The following PTPN13 variants were observed in gnomAD, a reference collection of about 807,000 sequenced individuals.
PTPN13 encodes protein tyrosine phosphatase non-receptor type 13, also known as tyrosine-protein phosphatase non-receptor type 13.
PTPN13 carries 191 observed loss-of-function variants against 284.0 expected under a neutral mutation model. The observed-to-expected ratio is 0.67, with a 90% CI of 0.60 to 0.76. The LOEUF (loss-of-function observed/expected upper bound fraction) is 0.76, where lower values mean the gene tolerates loss of function less well. Among genes scored for constraint, PTPN13 ranks in the 30% least tolerant of loss-of-function variants. The pLI is 0.00. For synonymous variants in PTPN13, 986 were observed against 1,022.3 expected, an observed-to-expected ratio of 0.96 and a Z score of 0.68; for missense variants, 2,797 against 2,939.9, an observed-to-expected ratio of 0.95 and a Z score of 1.12.
In PTPN13 at chr4:86,717,063, G is replaced by A. The variant is rs373214612; in HGVS notation, c.1331G>A (p.Ser444Asn). 2.3e-5 allele frequency: 37 copies of A among 1,613,240 alleles called. No individual in the cohort carries two copies. In the African/African-American group the frequency reaches 3.6e-4, roughly 16 times the overall value. ...SEASKRFESS[S>N]GLPGVDETLS... ...GCCTCAAAGAGGTTTGAATCCAGCA[G>A]TGGTCTCCCAGGGGTAGATGAAACC... Residue 444 changes from serine to asparagine, a missense_variant, in exon 9 of 48, where the codon AGT becomes AAT. Ser to Asn is a conservative substitution (Grantham distance 46). Coordinates refer to ENST00000411767, the MANE Select transcript of PTPN13 (RefSeq NM_080683.3).
At chr4:86,691,871 A>G (rs887116842) in intron 5 of PTPN13, among the ~76,000 whole-genome samples, 1 of 152,154 alleles carries the variant, frequency 6.6e-6, no homozygotes, top group African/African-American at 2.4e-5. Context: ...CTTACTTAAC[A>G]TTAATTAGCG....
intron 19 of PTPN13, among the ~76,000 whole-genome samples, chr4:86,752,610 C>T (rs573669633): frequency 5.9e-5 from 9 of 152,094 alleles, no homozygotes; most frequent in Admixed American, 4.6e-4. Context: ...ATTACATATC[C>T]GAAGGAAAAT....
intron 23 of PTPN13, among the ~76,000 whole-genome samples, chr4:86,762,372 T>C (rs1424346669): frequency 6.6e-6 from 1 of 152,028 alleles, no homozygotes; most frequent in Non-Finnish European, 1.5e-5. Flanking sequence ...ATCTAGTAGG[T>C]CAATATAAAG....
chr4:86,694,504 G>C (rs1179921669), intron 6 of PTPN13, among the ~76,000 whole-genome samples: 2 of 145,628 alleles, frequency 1.4e-5, no homozygotes, highest in Non-Finnish European at 3.0e-5. Flanking sequence ...CTTGAACCGG[G>C]GAGGCAGAGG....
chr4:86,771,684 A>T, intron 31 of PTPN13, 149 bp downstream of exon 31: 1 of 885,198 alleles, frequency 1.1e-6, no homozygotes, highest in East Asian at 2.7e-5. Flanking sequence ...ATGTCTAGCT[A>T]TTGTGACTGA....
chr4:86,759,962 T>TA (rs561835555), intron 23 of PTPN13, among the ~76,000 whole-genome samples: 3 of 151,896 alleles, frequency 2.0e-5, no homozygotes, highest in African/African-American at 4.8e-5. Flanking sequence ...AAAGAATTAG[T>TA]AAAAAAAATT....
chr4:86,792,041 G>A (rs904431589), intron 40 of PTPN13, among the ~76,000 whole-genome samples: 12 of 151,974 alleles, frequency 7.9e-5, no homozygotes, highest in Middle Eastern at 3.4e-3. Flanking sequence ...TCAGAAGGTC[G>A]GTAATAACAA....
chr4:86,745,637 G>A lies in PTPN13; in HGVS notation c.2650+509G>A, dbSNP rs545343618. Among the ~76,000 whole-genome samples, 16 of 152,188 alleles carry A rather than the reference G, an allele frequency of 1.1e-4. No individual in the cohort carries two copies. In the South Asian group the frequency reaches 2.5e-3, roughly 24 times the overall value. ...TAAAAATACAAAAAATCAGCCAGGC[G>A]TGTTGCCGGGCACCTGTAATCCCAG... On this transcript the variant is annotated intron_variant, in intron 17 of 47. Coordinates refer to ENST00000411767, the MANE Select transcript of PTPN13 (RefSeq NM_080683.3).
intron 1 of PTPN13, among the ~76,000 whole-genome samples, chr4:86,597,080 G>A (rs985457195): frequency 6.6e-6 from 1 of 151,916 alleles, no homozygotes; most frequent in African/African-American, 2.4e-5. Flanking sequence ...CAAGGTAGGG[G>A]CCTGAGAAAG....
chr4:86,610,950 T>G (rs769217838), intron 1 of PTPN13, among the ~76,000 whole-genome samples: 6 of 152,232 alleles, frequency 3.9e-5, no homozygotes, highest in Non-Finnish European at 5.9e-5. Context: ...GGATTTTTTG[T>G]GTAGGAAGAG....
chr4:86,704,050 T>C (rs1358192963), intron 7 of PTPN13, among the ~76,000 whole-genome samples: 4 of 151,884 alleles, frequency 2.6e-5, no homozygotes, highest in Non-Finnish European at 5.9e-5. Context: ...TGGTGGTGCA[T>C]GCCTGTAATC....
chr4:86,606,209 A>T (rs1014025340), intron 1 of PTPN13, among the ~76,000 whole-genome samples: 3 of 151,918 alleles, frequency 2.0e-5, no homozygotes, highest in Non-Finnish European at 4.4e-5. Flanking sequence ...AAACAAGTAT[A>T]TGATGTTTGT....
At chr4:86,716,785 A>G (rs533471906) in intron 8 of PTPN13, among the ~76,000 whole-genome samples, 160 bp downstream of exon 8, 1 of 152,372 alleles carries the variant, frequency 6.6e-6, no homozygotes, top group African/African-American at 2.4e-5. Context: ...AGTATTATAG[A>G]AACTAAATAG....
At chr4:86,794,158 C>T (rs564462792) in intron 40 of PTPN13, among the ~76,000 whole-genome samples, 138 of 152,186 alleles carry the variant, frequency 9.1e-4, no homozygotes, top group African/African-American at 3.1e-3. Flanking sequence ...AAAACCCCAT[C>T]GTCTCAGTCC....
rs751102276 is a variant in PTPN13 at position 86,732,576 on chromosome 4, A to AT, written c.1684-10dup. 5 of 1,604,816 alleles carry AT rather than the reference A, an allele frequency of 3.1e-6. No individual in the cohort carries two copies. The highest frequency in any genetic ancestry group is 4.3e-6 in the Non-Finnish European group (5 of 1,174,504). The stretch of plus-strand genomic sequence containing the variant: ...ATGCTTATTTTAATAAATGCCGTTT[A>AT]TTTTTTCAATTGTAGACTAAGAAAG... On this transcript the variant is annotated splice_polypyrimidine_tract_variant and intron_variant, in intron 11 of 47. Coordinates refer to ENST00000411767, the MANE Select transcript of PTPN13 (RefSeq NM_080683.3).
At chr4:86,644,348 C>T (rs1340213209) in intron 2 of PTPN13, among the ~76,000 whole-genome samples, 1 of 152,052 alleles carries the variant, frequency 6.6e-6, no homozygotes, top group Non-Finnish European at 1.5e-5. Flanking sequence ...CCATGTTTGC[C>T]AGGCTGGTCT....
chr4:86,713,088 A>AT (rs1245265121), intron 7 of PTPN13, among the ~76,000 whole-genome samples: 1 of 152,106 alleles, frequency 6.6e-6, no homozygotes, highest in Admixed American at 6.6e-5. Context: ...AAGGCATAAC[A>AT]TCCAAGTGAC....
chr4:86,618,473 G>T (rs1319286561), intron 1 of PTPN13, among the ~76,000 whole-genome samples: 1 of 152,140 alleles, frequency 6.6e-6, no homozygotes, highest in Non-Finnish European at 1.5e-5. Flanking sequence ...GAAAGTCATT[G>T]GTAGCTTGAT....
chr4:86,610,396 C>T (rs1463136832), intron 1 of PTPN13, among the ~76,000 whole-genome samples: 1 of 152,122 alleles, frequency 6.6e-6, no homozygotes, highest in African/African-American at 2.4e-5. Context: ...TGCTTTTATG[C>T]AGTTATTCTC....
Sources: gnomAD v4.1 joint callset for allele counts (sites outside exome capture counted in the v4.1 genomes callset) on GRCh38, gnomAD v4.1.1 for gene constraint, MANE v1.5 for transcripts, NCBI Gene and HGNC (gene_info 2026-07-23, HGNC 2026-07-21) for gene names.